Variants in DOK6 observed in about 807,000 individuals in gnomAD.
DOK6 encodes docking protein 6, also known as downstream of tyrosine kinase 6.
DOK6 carries 22 observed loss-of-function variants against 44.0 expected under a neutral mutation model. The ratio of observed to expected loss-of-function variants is 0.50; its 90% CI spans 0.36 to 0.71. The LOEUF is 0.71. Ranked by LOEUF, DOK6 falls within the 30% of genes least tolerant of loss-of-function variation. The pLI is 0.00. For missense variants in DOK6, 340 were observed against 416.4 expected (o/e 0.82, Z 1.60); for synonymous variants, 166 against 145.5 (o/e 1.14, Z -1.01).
intron 7 of DOK6, among the ~76,000 whole-genome samples, chr18:69,767,515 G>A (rs1979754083): frequency 6.8e-6 from 1 of 147,532 alleles, no homozygotes; most frequent in Admixed American, 6.9e-5. Flanking sequence ...ACTCATGGAA[G>A]GACTGTGTTT....
intron 7 of DOK6, among the ~76,000 whole-genome samples, chr18:69,810,046 C>T (rs12963791): frequency 0.06 from 9,152 of 151,958 alleles, 318 homozygotes; most frequent in Middle Eastern, 0.13. Flanking sequence ...ACAAAAGGAA[C>T]AAAGCTGGAG....
intron 3 of DOK6, among the ~76,000 whole-genome samples, chr18:69,668,429 G>A (rs1001375129): frequency 6.6e-6 from 1 of 151,694 alleles, no homozygotes; most frequent in African/African-American, 2.4e-5. Flanking sequence ...TTTTCCTATA[G>A]TTTTTGTTCA....
At chr18:69,800,092 T>C (rs1568129706) in intron 7 of DOK6, among the ~76,000 whole-genome samples, 1 of 151,218 alleles carries the variant, frequency 6.6e-6, no homozygotes, top group African/African-American at 2.4e-5. Flanking sequence ...TACGTTCTAT[T>C]AAAAAAAAAC....
intron 1 of DOK6, among the ~76,000 whole-genome samples, chr18:69,423,853 G>T (rs1978563666): frequency 6.6e-6 from 1 of 152,000 alleles, no homozygotes; most frequent in Non-Finnish European, 1.5e-5. Context: ...TATAATTGAG[G>T]CCTGGTGTAT....
intron 6 of DOK6, among the ~76,000 whole-genome samples, chr18:69,750,045 A>T (rs944391062): frequency 6.8e-5 from 10 of 147,216 alleles, no homozygotes; most frequent in African/African-American, 2.5e-4. Context: ...AAGGCATTTT[A>T]TATATATATA....
intron 3 of DOK6, among the ~76,000 whole-genome samples, chr18:69,654,020 G>A (rs1985299449): frequency 6.6e-6 from 1 of 152,128 alleles, no homozygotes; most frequent in Non-Finnish European, 1.5e-5. Context: ...TCAGAGAATT[G>A]AGACGTCTAA....
chr18:69,611,252 G>A (rs916671041), intron 3 of DOK6, among the ~76,000 whole-genome samples: 2 of 152,152 alleles, frequency 1.3e-5, no homozygotes. Flanking sequence ...GCAGTGAGGT[G>A]CATAGTGACA....
chr18:69,500,451 C>G (rs185049451), intron 1 of DOK6, among the ~76,000 whole-genome samples: 22 of 152,210 alleles, frequency 1.4e-4, no homozygotes, highest in African/African-American at 5.3e-4. Context: ...AGCTTCCTAA[C>G]TTTACCTTCC....
At chr18:69,733,145 G>A (rs1170429053) in intron 5 of DOK6, among the ~76,000 whole-genome samples, 1 of 151,892 alleles carries the variant, frequency 6.6e-6, no homozygotes, top group Non-Finnish European at 1.5e-5. Flanking sequence ...ATTGAGCTAT[G>A]CCTCTGCGCT....
chr18:69,573,154 A>G (rs925676888), intron 2 of DOK6, among the ~76,000 whole-genome samples: 3 of 151,820 alleles, frequency 2.0e-5, no homozygotes, highest in Non-Finnish European at 4.4e-5. Context: ...GGAAGAGAAT[A>G]TGAGTATTGA....
intron 1 of DOK6, among the ~76,000 whole-genome samples, chr18:69,416,161 GGAAGGAAGGAAGGAAGGAAC>G (rs1330837377): frequency 8.4e-5 from 6 of 71,128 alleles, no homozygotes; most frequent in African/African-American, 1.5e-4. Context: ...AGGGAGGGAA[GGAAGGAAGGAAGGAAGGAAC>G]GAAGGAAGGA....
intron 2 of DOK6, among the ~76,000 whole-genome samples, chr18:69,597,308 G>A (rs1288221980): frequency 6.6e-6 from 1 of 152,018 alleles, no homozygotes; most frequent in Non-Finnish European, 1.5e-5. Flanking sequence ...TTGTAGTTAT[G>A]GTCTATAAAG....
chr18:69,828,016 G>A (rs1300492362), intron 7 of DOK6, among the ~76,000 whole-genome samples: 1 of 151,662 alleles, frequency 6.6e-6, no homozygotes, highest in Non-Finnish European at 1.5e-5. Context: ...TCTTTAAATA[G>A]CTCACTTTAT....
At chr18:69,820,539 T>C (rs1473116839) in intron 7 of DOK6, among the ~76,000 whole-genome samples, 1 of 152,166 alleles carries the variant, frequency 6.6e-6, no homozygotes, top group African/African-American at 2.4e-5. Flanking sequence ...TTTTAAATCA[T>C]GTATCTTCCC....
intron 7 of DOK6, among the ~76,000 whole-genome samples, chr18:69,831,801 G>A (rs1055412373): frequency 1.3e-5 from 2 of 152,166 alleles, no homozygotes; most frequent in Non-Finnish European, 2.9e-5. Flanking sequence ...AACAAATTGA[G>A]TAAAATTCAG....
intron 7 of DOK6, among the ~76,000 whole-genome samples, chr18:69,806,979 C>T (rs547228828): frequency 2.2e-4 from 34 of 152,018 alleles, no homozygotes; most frequent in Admixed American, 7.9e-4. Flanking sequence ...TGCTTATTAT[C>T]TAAAATGTCA....
At chr18:69,705,415 T>C (rs970567565) in intron 5 of DOK6, among the ~76,000 whole-genome samples, 2 of 152,222 alleles carry the variant, frequency 1.3e-5, no homozygotes, top group Non-Finnish European at 2.9e-5. Flanking sequence ...TATGCTCTGA[T>C]TGTTTATTTC....
intron 2 of DOK6, among the ~76,000 whole-genome samples, chr18:69,598,693 A>G (rs1983803638): frequency 6.6e-6 from 1 of 152,124 alleles, no homozygotes; most frequent in South Asian, 2.1e-4. Flanking sequence ...GGGGGAAATT[A>G]AAGATGCACA....
chr18:69,565,061 G>C (rs889725129), intron 2 of DOK6, among the ~76,000 whole-genome samples: 3 of 152,110 alleles, frequency 2.0e-5, no homozygotes, highest in African/African-American at 7.2e-5. Flanking sequence ...TAGAGATAAG[G>C]CATAAATACT....
Sources: gnomAD v4.1 joint callset for allele counts (sites outside exome capture counted in the v4.1 genomes callset) on GRCh38, gnomAD v4.1.1 for gene constraint, MANE v1.5 for transcripts, NCBI Gene and HGNC (gene_info 2026-07-23, HGNC 2026-07-21) for gene names.